PACSIN1: variants seen among roughly 807,000 people sequenced by gnomAD.
PACSIN1 encodes protein kinase C and casein kinase substrate in neurons 1, also known as protein kinase C and casein kinase substrate in neurons protein 1.
In PACSIN1, 15 loss-of-function variants were observed where a neutral mutation model predicts 59.5. That is an observed-to-expected ratio of 0.25 (90% CI 0.17 to 0.39). The LOEUF (loss-of-function observed/expected upper bound fraction) is 0.39, where lower values mean the gene tolerates loss of function less well. Among genes scored for constraint, PACSIN1 ranks in the 10% least tolerant of loss-of-function variants. The probability of loss-of-function intolerance (pLI) is 1.00; values close to 1 mark genes in which losing one functional copy is unlikely to be tolerated. For synonymous variants in PACSIN1, 210 were observed against 220.6 expected (o/e 0.95, Z 0.42); for missense variants, 420 against 580.2 (o/e 0.72, Z 2.84).
intron 1 of PACSIN1, among the ~76,000 whole-genome samples, chr6:34,498,808 A>AG (rs890203078): frequency 2.6e-5 from 4 of 151,450 alleles, no homozygotes; most frequent in African/African-American, 9.7e-5. Context: ...AAAAAAAAAA[A>AG]AAAAAAAAAG....
rs182102959 is a variant in PACSIN1, at chr6:34,474,859, C to T, written c.-64+8589C>T. On this transcript the variant is annotated intron_variant, in intron 1 of 9. Transcript: ENST00000244458. ...CCCATGTGATCCGGCTGCCCAATAC[C>T]TCAGACCTTCTCTCATACATCCTAG... Among the ~76,000 whole-genome samples the T allele has an allele frequency of 6.6e-4, 99 of 151,004 alleles. 1 individual carries two copies. In the East Asian group the frequency reaches 0.015, roughly 22 times the overall value.
intron 1 of PACSIN1, among the ~76,000 whole-genome samples, chr6:34,483,635 CTTTTTTTTTTTT>C (rs10608785): frequency 4.3e-5 from 2 of 46,652 alleles, no homozygotes; most frequent in African/African-American, 1.9e-4. Flanking sequence ...CCTTCAAGGA[CTTTTTTTTTTTT>C]TTTTTTTTTT....
In PACSIN1 at chr6:34,527,436, C is replaced by T. The variant is rs1248284524; in HGVS notation, c.168C>T (p.Tyr56=). ...VQERAKIEKA[Y]GQQLTDWAKR... ...AGCGCGCCAAGATCGAGAAGGCGTA[C>T]GGGCAGCAGCTCACCGACTGGGCCA... is the stretch of plus-strand genomic sequence containing the variant. The change falls in exon 3 of 10, where the codon TAC becomes TAT. Residue 56 remains tyrosine (Y), a synonymous_variant. Transcript: ENST00000244458. 4 of 1,597,812 alleles carry T rather than the reference C, an allele frequency of 2.5e-6. No homozygotes were observed. Among genetic ancestry groups the T allele is most frequent in the East Asian group, 2.3e-5 (1 of 43,950 alleles).
chr6:34,498,796 CAAAAAAAAA>C (rs1228510694), intron 1 of PACSIN1, among the ~76,000 whole-genome samples: 1 of 95,632 alleles, frequency 1.0e-5, no homozygotes, highest in Non-Finnish European at 2.1e-5. Flanking sequence ...GACTTTGTCT[CAAAAAAAAA>C]AAAAAAAAAA....
At chr6:34,497,370 A>G (rs1223996740) in intron 1 of PACSIN1, among the ~76,000 whole-genome samples, 1 of 152,174 alleles carries the variant, frequency 6.6e-6, no homozygotes, top group Non-Finnish European at 1.5e-5. Context: ...GCCTTAGCCC[A>G]GGTATCCTCC....
At chr6:34,507,584 C>A (rs1378910565) in intron 1 of PACSIN1, among the ~76,000 whole-genome samples, 1 of 151,606 alleles carries the variant, frequency 6.6e-6, no homozygotes, top group African/African-American at 2.4e-5. Context: ...ATGAGATCTA[C>A]CCTTCTAACA....
intron 1 of PACSIN1, among the ~76,000 whole-genome samples, chr6:34,512,391 G>A (rs2127264500): frequency 6.6e-6 from 1 of 152,250 alleles, no homozygotes; most frequent in East Asian, 1.9e-4. Context: ...TGGTATCCTT[G>A]GATGGAGCCC....
rs1199887060 is a variant in PACSIN1, at chr6:34,516,866, T to G, written c.-63-9377T>G. 1.3e-5 allele frequency among the ~76,000 whole-genome samples: 2 copies of G among 152,016 alleles called. No individual in the cohort carries two copies. Among genetic ancestry groups the G allele is most frequent in the East Asian group, 3.9e-4 (2 of 5,172 alleles). ...TGACCTCCCCTGGCAGACCTTCTCA[T>G]GTGAAAGGGAGCTTGAGGGAGGCCC... is the stretch of plus-strand genomic sequence containing the variant. On this transcript the variant is annotated intron_variant, in intron 1 of 9. Transcript: ENST00000244458. This position sits in a 1 kb window ranked among gnomAD's most constrained non-coding sequence, Gnocchi z 5.4.
chr6:34,522,526 G>A (rs1767411473), intron 1 of PACSIN1, among the ~76,000 whole-genome samples: 2 of 152,202 alleles, frequency 1.3e-5, no homozygotes, highest in African/African-American at 2.4e-5. Context: ...CAGAGAGACA[G>A]AACCAATTGG....
intron 1 of PACSIN1, among the ~76,000 whole-genome samples, chr6:34,512,643 C>G (rs9394233): frequency 1 from 151,827 of 152,362 alleles, 75,650 homozygotes; most frequent in Middle Eastern, 1. Flanking sequence ...GCCCAAGGAA[C>G]GCAAGGCTGG....
rs931626901 is a variant in PACSIN1, at chr6:34,514,006, A to C, written c.-63-12237A>C. Among the ~76,000 whole-genome samples the C allele has an allele frequency of 2.6e-5, 4 of 152,142 alleles. No individual in the cohort carries two copies. The highest frequency in any genetic ancestry group is 5.9e-5 in the Non-Finnish European group (4 of 68,028). ...TGTTACAGGTTCTGAATCCATGTAGATGTGTGTGCACGTGTCTTAAAGATG... is the reference window on the plus strand; with the variant it reads ...TGTTACAGGTTCTGAATCCATGTAGCTGTGTGTGCACGTGTCTTAAAGATG... On this transcript the variant is annotated intron_variant, in intron 1 of 9. Transcript: ENST00000244458. The surrounding 1 kb of genome is among the most constrained non-coding windows in gnomAD (Gnocchi z 4.4).
chr6:34,510,153 C>G (rs1767176862), intron 1 of PACSIN1, among the ~76,000 whole-genome samples: 1 of 152,256 alleles, frequency 6.6e-6, no homozygotes, highest in Non-Finnish European at 1.5e-5. Context: ...AACGAAGCTT[C>G]TATGAACATT....
intron 1 of PACSIN1, among the ~76,000 whole-genome samples, chr6:34,498,043 TTTTG>T (rs1766972556): frequency 6.7e-6 from 1 of 150,132 alleles, no homozygotes; most frequent in Admixed American, 6.6e-5. Flanking sequence ...TTTGCCTGTT[TTTTG>T]TTTGTTTTGT....
At chr6:34,473,955 C>T (rs1766605231) in intron 1 of PACSIN1, among the ~76,000 whole-genome samples, 1 of 152,182 alleles carries the variant, frequency 6.6e-6, no homozygotes. Context: ...TTCACATTCC[C>T]TGTTGTCTCA....
intron 1 of PACSIN1, among the ~76,000 whole-genome samples, chr6:34,524,323 T>TA (rs1326798302): frequency 2.0e-5 from 3 of 152,088 alleles, no homozygotes; most frequent in Non-Finnish European, 4.4e-5. Context: ...CCAGAGGGTT[T>TA]AAAAAATGTA....
At chr6:34,504,393 C>T (rs1767076907) in intron 1 of PACSIN1, among the ~76,000 whole-genome samples, 1 of 151,354 alleles carries the variant, frequency 6.6e-6, no homozygotes, top group South Asian at 2.1e-4. Flanking sequence ...CGGGTTCAAG[C>T]AATTCTCCTG....
chr6:34,526,291 C>A lies in PACSIN1; in HGVS notation c.-15C>A. 3 of 1,610,552 alleles carry A rather than the reference C, an allele frequency of 1.9e-6. No individual in the cohort carries two copies. Among genetic ancestry groups the A allele is most frequent in the Non-Finnish European group, 2.5e-6 (3 of 1,178,950 alleles). Reference sequence around the variant, plus strand: ...ACCGCAGCTCCGCACTTGTCCATCCCCCTGCGGCTACACCATGTCCAGCTC... The same window carrying A: ...ACCGCAGCTCCGCACTTGTCCATCCACCTGCGGCTACACCATGTCCAGCTC... On this transcript the variant is annotated 5_prime_UTR_variant, in exon 2 of 10. Transcript: ENST00000244458.
At chr6:34,487,788 A>G (rs1313164023) in intron 1 of PACSIN1, among the ~76,000 whole-genome samples, 2 of 152,184 alleles carry the variant, frequency 1.3e-5, no homozygotes, top group Non-Finnish European at 2.9e-5. Flanking sequence ...GGCAATGCCC[A>G]GAGAGGGACT....
intron 1 of PACSIN1, among the ~76,000 whole-genome samples, chr6:34,494,102 A>C (rs981003641): frequency 6.6e-6 from 1 of 152,204 alleles, no homozygotes; most frequent in Non-Finnish European, 1.5e-5. Flanking sequence ...GCCTGAAACC[A>C]AGCTGTAGAT....
Sources: allele counts gnomAD v4.1 joint callset (sites outside exome capture counted in the v4.1 genomes callset), GRCh38; gene constraint gnomAD v4.1.1; non-coding constraint Gnocchi (gnomAD v3.1); transcripts MANE v1.5; gene names NCBI Gene and HGNC (gene_info 2026-07-23, HGNC 2026-07-21).